PPME1: variants seen among roughly 807,000 people sequenced by gnomAD.
PPME1 encodes testicular secretory protein Li 39.
In PPME1, 17 loss-of-function variants were observed where a neutral mutation model predicts 56.9. That is an observed-to-expected ratio of 0.30 (90% CI 0.20 to 0.45). The LOEUF is 0.45. Ranked by LOEUF, PPME1 falls within the 20% of genes least tolerant of loss-of-function variation. PPME1 has a pLI of 1.00. For synonymous variants in PPME1, 122 were observed against 156.2 expected, an observed-to-expected ratio of 0.78 and a Z score of 1.63; for missense variants, 357 against 483.2, an observed-to-expected ratio of 0.74 and a Z score of 2.45.
Position 74,222,366 on chromosome 11 carries a change from C to A in PPME1, c.343C>A (p.His115Asn). The A allele has an allele frequency of 1.2e-6, 2 of 1,605,660 alleles. No individual in the cohort carries two copies. The highest frequency in any genetic ancestry group is 1.1e-5 in the South Asian group (1 of 90,864). ...CRIVALDLRSHGETKVKNPED... is the reference protein window; with the variant it reads ...CRIVALDLRSNGETKVKNPED... ...GATTGTAGCTTTGGATCTGCGAAGT[C>A]ATGGTGAGTAAAGTTCTTAATTAGC... is the stretch of plus-strand genomic sequence containing the variant. The change falls in exon 4 of 14, where the codon CAT becomes AAT. Residue 115 changes from histidine to asparagine, a missense_variant. By Grantham distance (68) the His-to-Asn change is moderately conservative. Around this residue, in one of 2 missense-constraint regions of PPME1, gnomAD observed 175 missense variants for 189.4 expected, o/e 0.92. Coordinates refer to ENST00000328257, the MANE Select transcript of PPME1 (RefSeq NM_016147.3).
At chr11:74,208,600 A>G (rs1429054401) in intron 3 of PPME1, among the ~76,000 whole-genome samples, 2 of 152,226 alleles carry the variant, frequency 1.3e-5, no homozygotes, top group African/African-American at 4.8e-5. Flanking sequence ...TTTTAGATAG[A>G]TGGGTATAAT....
chr11:74,236,115 C>T, intron 8 of PPME1, 149 bp downstream of exon 8: 5 of 1,292,938 alleles, frequency 3.9e-6, no homozygotes, highest in Non-Finnish European at 5.2e-6. Context: ...TCAGTTGGGA[C>T]AGACATAGAT....
At chr11:74,252,103 C>CTT (rs60650207) in intron 13 of PPME1, among the ~76,000 whole-genome samples, 1,210 of 117,004 alleles carry the variant, frequency 0.01, 29 homozygotes, top group African/African-American at 0.039. Context: ...TGGAGCAGGG[C>CTT]TTTTTTTTTT....
chr11:74,211,217 G>A (rs1366578258), intron 3 of PPME1, among the ~76,000 whole-genome samples: 1 of 152,124 alleles, frequency 6.6e-6, no homozygotes, highest in Non-Finnish European at 1.5e-5. Flanking sequence ...AATAAGTTAT[G>A]TTCCTGTATG....
intron 1 of PPME1, among the ~76,000 whole-genome samples, chr11:74,182,026 G>C (rs1302631663): frequency 6.6e-6 from 1 of 152,174 alleles, no homozygotes; most frequent in African/African-American, 2.4e-5. Flanking sequence ...CCTGGGCCAT[G>C]CAAAAATAGG....
intron 3 of PPME1, among the ~76,000 whole-genome samples, chr11:74,215,873 T>C (rs1858626599): frequency 6.6e-6 from 1 of 152,198 alleles, no homozygotes; most frequent in East Asian, 1.9e-4. Context: ...TCAGACAAAA[T>C]AGATTTCAAG....
chr11:74,203,261 G>A (rs529748187), intron 1 of PPME1, among the ~76,000 whole-genome samples: 2 of 152,228 alleles, frequency 1.3e-5, no homozygotes, highest in East Asian at 3.9e-4. Context: ...TGACAAGGAA[G>A]CATGAAAGAG....
chr11:74,197,411 G>A (rs1439587557), intron 1 of PPME1, among the ~76,000 whole-genome samples: 2 of 152,026 alleles, frequency 1.3e-5, no homozygotes, highest in Admixed American at 1.3e-4. Flanking sequence ...GGTGACTGGA[G>A]GATAATAACA....
chr11:74,218,018 A>G (rs1858702635), intron 3 of PPME1, among the ~76,000 whole-genome samples: 4 of 152,204 alleles, frequency 2.6e-5, no homozygotes, highest in Admixed American at 2.0e-4. Context: ...ATGAACTTAT[A>G]TTTAGAAAAT....
At chr11:74,211,414 A>G (rs1858472168) in intron 3 of PPME1, among the ~76,000 whole-genome samples, 1 of 152,220 alleles carries the variant, frequency 6.6e-6, no homozygotes, top group Admixed American at 6.5e-5. Context: ...AGTTAATAGT[A>G]TGGTATTGGT....
At chr11:74,235,668 TC>T (rs1423034021) in intron 7 of PPME1, 1 of 534,468 alleles carries the variant, frequency 1.9e-6, no homozygotes. Flanking sequence ...GCACCTAGTA[TC>T]CTCTTGATAA....
intron 1 of PPME1, among the ~76,000 whole-genome samples, chr11:74,191,107 G>A (rs1591022993): frequency 6.6e-6 from 1 of 152,208 alleles, no homozygotes; most frequent in African/African-American, 2.4e-5. Flanking sequence ...AGGCCAAAGT[G>A]GGAGGATTGT....
In PPME1 at chr11:74,208,237, G is replaced by A. The variant is rs556831491; in HGVS notation, c.288+3792G>A. 1.1e-4 allele frequency among the ~76,000 whole-genome samples: 16 copies of A among 152,010 alleles called. No individual in the cohort carries two copies. In the East Asian group the frequency reaches 2.1e-3, roughly 20 times the overall value. On this transcript the variant is annotated intron_variant, in intron 3 of 13. Transcript: ENST00000328257. ...TGAGGCAGGAGAAACGCTTGAACAC[G>A]GGGGGCAGAGGTTGCAGTGAGTCGA...
Position 74,230,361 on chromosome 11 carries a change from C to G in PPME1, c.515C>G (p.Pro172Arg). The change falls in exon 6 of 14, where the codon CCA (proline) becomes CGA (arginine). Residue 172 changes from proline to arginine, a missense_variant. Coordinates refer to ENST00000328257, the MANE Select transcript of PPME1 (RefSeq NM_016147.3). This position sits in a 1 kb window ranked among gnomAD's most constrained non-coding sequence, Gnocchi z 4.9. Reference protein sequence around the residue: ...AVHTASSNLVPSLLGLCMIDV... With the variant: ...AVHTASSNLVRSLLGLCMIDV... ...CACACAGCATCATCCAACCTGGTAC[C>G]AAGCCTCTTGGGTCTGTGCATGATT... 1 of 1,613,806 alleles carries G rather than the reference C, an allele frequency of 6.2e-7. No homozygotes were observed. Among genetic ancestry groups the G allele is most frequent in the Non-Finnish European group, 8.5e-7 (1 of 1,179,790 alleles).
chr11:74,210,954 G>A (rs1040236175), intron 3 of PPME1, among the ~76,000 whole-genome samples: 4 of 152,154 alleles, frequency 2.6e-5, no homozygotes, highest in Non-Finnish European at 4.4e-5. Context: ...CAATTATTAT[G>A]TGAAGATATT....
At chr11:74,208,400 G>A (rs12790209) in intron 3 of PPME1, among the ~76,000 whole-genome samples, 14 of 151,970 alleles carry the variant, frequency 9.2e-5, no homozygotes, top group Non-Finnish European at 1.5e-4. Context: ...ACCAGGCATC[G>A]TACAGGTGCT....
intron 8 of PPME1, among the ~76,000 whole-genome samples, chr11:74,236,393 T>G (rs1020199654): frequency 1.3e-5 from 2 of 152,222 alleles, no homozygotes; most frequent in African/African-American, 2.4e-5. Context: ...AAGAGTGAGC[T>G]AAGATTATTT....
intron 3 of PPME1, among the ~76,000 whole-genome samples, chr11:74,206,520 C>T (rs565964671): frequency 4.6e-5 from 7 of 152,198 alleles, no homozygotes; most frequent in African/African-American, 1.7e-4. Context: ...AGGGGTTTGC[C>T]TGAAGAAAAG....
At chr11:74,203,867 G>A in intron 2 of PPME1, 46 bp downstream of exon 2, 4 of 1,381,142 alleles carry the variant, frequency 2.9e-6, no homozygotes, top group Non-Finnish European at 4.0e-6. Context: ...TTATGATGTT[G>A]TCTAAGTTAA....
Sources: gnomAD v4.1 joint callset for allele counts (sites outside exome capture counted in the v4.1 genomes callset) on GRCh38, gnomAD v4.1.1 for gene constraint, gnomAD v4.1.1 regional missense constraint, Gnocchi (gnomAD v3.1) non-coding constraint, MANE v1.5 for transcripts, NCBI Gene and HGNC (gene_info 2026-07-23, HGNC 2026-07-21) for gene names.